TEAD1: variants seen among roughly 807,000 people sequenced by gnomAD.
TEAD1 encodes the protein transcriptional enhancer factor TEF-1.
TEAD1 carries 9 observed loss-of-function variants against 54.9 expected under a neutral mutation model. That is an observed-to-expected ratio of 0.16 (90% CI 0.10 to 0.29). The LOEUF (loss-of-function observed/expected upper bound fraction) is 0.29, where lower values mean the gene tolerates loss of function less well. TEAD1 is among the 10% of genes least tolerant of loss of function. The pLI, the probability that TEAD1 is intolerant of heterozygous loss-of-function variation, is 1.00. For synonymous variants in TEAD1, 200 were observed against 187.8 expected (o/e 1.07, Z -0.53); for missense variants, 387 against 535.9 (o/e 0.72, Z 2.74).
chr11:12,687,490 T>C (rs1168454290), intron 2 of TEAD1, among the ~76,000 whole-genome samples: 1 of 152,234 alleles, frequency 6.6e-6, no homozygotes, highest in African/African-American at 2.4e-5. Context: ...ACAGCTGCAC[T>C]TTAAAACCAG....
chr11:12,750,367 G>C (rs1407587048), intron 2 of TEAD1, among the ~76,000 whole-genome samples: 1 of 152,074 alleles, frequency 6.6e-6, no homozygotes, highest in Non-Finnish European at 1.5e-5. Flanking sequence ...CATGGCTCTG[G>C]GTTGTTTAAA....
rs1018114914 is a variant in TEAD1 at position 12,943,019 on chromosome 11, A to G, written c.*5797A>G. 8.5e-5 allele frequency: 13 copies of G among 152,240 alleles called. No homozygotes were observed. The highest frequency in any genetic ancestry group is 1.0e-4 in the Non-Finnish European group (7 of 68,040). 9.4% of individuals were successfully genotyped at this position (152,240 alleles called of 1,614,324 possible). A position where few individuals can be genotyped will look rare whatever the true frequency, so the allele number is the denominator to read the frequency against. Reference sequence around the variant, plus strand: ...GGAAAAAAAGATTTTCTTTGCTAATATAGATGTAAAAATAACATCAGACAT... The same window carrying G: ...GGAAAAAAAGATTTTCTTTGCTAATGTAGATGTAAAAATAACATCAGACAT... On this transcript the variant is annotated 3_prime_UTR_variant, in exon 13 of 13. Coordinates refer to ENST00000527636, the MANE Select transcript of TEAD1 (RefSeq NM_021961.6).
intron 2 of TEAD1, among the ~76,000 whole-genome samples, chr11:12,758,763 A>G (rs1945042583): frequency 6.6e-6 from 1 of 151,574 alleles, no homozygotes; most frequent in African/African-American, 2.4e-5. Context: ...GGCTGGTCTC[A>G]AACTCCTGAC....
At chr11:12,696,545 C>G (rs1943587222) in intron 2 of TEAD1, among the ~76,000 whole-genome samples, 1 of 152,188 alleles carries the variant, frequency 6.6e-6, no homozygotes, top group African/African-American at 2.4e-5. Context: ...TTTTCTATTT[C>G]CTGGTTTCCA....
At chr11:12,719,949 G>GTTTT (rs1200965763) in intron 2 of TEAD1, among the ~76,000 whole-genome samples, 5 of 40,002 alleles carry the variant, frequency 1.2e-4, no homozygotes, top group Non-Finnish European at 1.9e-4. Context: ...GAAATCTAAT[G>GTTTT]TTTTTTTTTT....
At chr11:12,838,269 T>G (rs1039685456) in intron 3 of TEAD1, among the ~76,000 whole-genome samples, 1 of 152,200 alleles carries the variant, frequency 6.6e-6, no homozygotes. Flanking sequence ...TTTAGGGGCA[T>G]TTGGAGCACT....
At chr11:12,707,177 T>G (rs947478176) in intron 2 of TEAD1, among the ~76,000 whole-genome samples, 1 of 146,586 alleles carries the variant, frequency 6.8e-6, no homozygotes, top group Non-Finnish European at 1.5e-5. Context: ...TTACTTGTGG[T>G]GCTATACTTG....
chr11:12,803,253 C>T (rs903531826), intron 3 of TEAD1, among the ~76,000 whole-genome samples: 2 of 152,058 alleles, frequency 1.3e-5, no homozygotes, highest in African/African-American at 2.4e-5. Flanking sequence ...CTTGAAACCC[C>T]GAGTGTTCTC....
intron 5 of TEAD1, among the ~76,000 whole-genome samples, chr11:12,876,136 T>G (rs1947849638): frequency 6.6e-6 from 1 of 152,240 alleles, no homozygotes; most frequent in Admixed American, 6.5e-5. Flanking sequence ...TTTAGGTACC[T>G]GGTAGAATGC....
intron 2 of TEAD1, among the ~76,000 whole-genome samples, chr11:12,713,023 G>GTTTA (rs1341845185): frequency 1.3e-5 from 2 of 152,144 alleles, no homozygotes; most frequent in Middle Eastern, 3.4e-3. Context: ...TTGTTTGTTT[G>GTTTA]TTTATTTATT....
intron 4 of TEAD1, chr11:12,864,564 CAACCCCACCCCAA>C: frequency 5.2e-6 from 4 of 768,268 alleles, no homozygotes; most frequent in Non-Finnish European, 7.5e-6. Flanking sequence ...AACCACCCCC[CAACCCCACCCCAA>C]AACCCTCCCA....
At chr11:12,743,249 A>G (rs1944682067) in intron 2 of TEAD1, among the ~76,000 whole-genome samples, 1 of 152,236 alleles carries the variant, frequency 6.6e-6, no homozygotes, top group African/African-American at 2.4e-5. Context: ...ATTCAAAGCA[A>G]TATATGTCGA....
intron 5 of TEAD1, among the ~76,000 whole-genome samples, chr11:12,871,245 C>T (rs1310238482): frequency 6.6e-6 from 1 of 152,194 alleles, no homozygotes; most frequent in Non-Finnish European, 1.5e-5. Context: ...GTCACCAACA[C>T]CAGCTTTACC....
chr11:12,819,566 A>C (rs1383027105), intron 3 of TEAD1, among the ~76,000 whole-genome samples: 2 of 152,068 alleles, frequency 1.3e-5, no homozygotes, highest in Admixed American at 1.3e-4. Context: ...CTCCTGCCTC[A>C]GCCTCCCAAG....
chr11:12,747,358 C>T (rs904285554), intron 2 of TEAD1, among the ~76,000 whole-genome samples: 16 of 151,802 alleles, frequency 1.1e-4, no homozygotes, highest in Non-Finnish European at 7.4e-5. Flanking sequence ...TTTTTTGAGA[C>T]GATGTCTTGC....
chr11:12,769,781 T>A (rs944459406), intron 3 of TEAD1, among the ~76,000 whole-genome samples: 2 of 152,190 alleles, frequency 1.3e-5, no homozygotes, highest in Admixed American at 1.3e-4. Context: ...AACAGCTATG[T>A]GGTAGAACAG....
At chr11:12,771,945 T>C (rs1358867867) in intron 3 of TEAD1, among the ~76,000 whole-genome samples, 2 of 152,154 alleles carry the variant, frequency 1.3e-5, no homozygotes, top group African/African-American at 4.8e-5. Flanking sequence ...AACTACTGAC[T>C]AAGAATATCT....
At chr11:12,823,971 G>T (rs1351300936) in intron 3 of TEAD1, among the ~76,000 whole-genome samples, 1 of 152,018 alleles carries the variant, frequency 6.6e-6, no homozygotes, top group Non-Finnish European at 1.5e-5. Flanking sequence ...TCTAATTTTG[G>T]GGGAGACTAA....
chr11:12,827,877 C>T (rs781609903), intron 3 of TEAD1, among the ~76,000 whole-genome samples: 1 of 152,198 alleles, frequency 6.6e-6, no homozygotes, highest in Non-Finnish European at 1.5e-5. Context: ...GCCTGTTGTG[C>T]CAGGACAGCT....
Sources: gnomAD v4.1 joint callset for allele counts (sites outside exome capture counted in the v4.1 genomes callset) on GRCh38, gnomAD v4.1.1 for gene constraint, MANE v1.5 for transcripts, NCBI Gene and HGNC (gene_info 2026-07-23, HGNC 2026-07-21) for gene names.